Variants in HBS1L observed in about 807,000 individuals in gnomAD.
HBS1L encodes the protein HBS1 like translational GTPase, also known as HBS1-like protein.
Under a neutral mutation model 88.9 loss-of-function variants are expected in HBS1L, and 55 were observed. The observed-to-expected ratio is 0.62, with a 90% CI of 0.50 to 0.77. HBS1L has a LOEUF of 0.77. HBS1L is among the 30% of genes least tolerant of loss of function. The probability of loss-of-function intolerance (pLI) is 0.00; values close to 1 mark genes in which losing one functional copy is unlikely to be tolerated. For missense variants in HBS1L, 741 were observed against 829.3 expected (o/e 0.89, Z 1.31); for synonymous variants, 267 against 288.5 (o/e 0.93, Z 0.76).
chr6:135,005,408 T>C lies in HBS1L; in HGVS notation c.431-2566A>G, dbSNP rs115928125. Among the ~76,000 whole-genome samples, 704 of 152,358 alleles carry C rather than the reference T, an allele frequency of 4.6e-3. 4 individuals are homozygous for C. The highest frequency in any genetic ancestry group is 0.017 in the Middle Eastern group (5 of 294). The stretch of plus-strand genomic sequence containing the variant: ...ACACTTCAGGGCAGAAACGGCAATG[T>C]GTCGATTACAGGGAACTGCTCCACA... On this transcript the variant is annotated intron_variant, in intron 4 of 17. Transcript: ENST00000367837.
intron 13 of HBS1L, among the ~76,000 whole-genome samples, chr6:134,981,969 T>C (rs1774843566): frequency 6.6e-6 from 1 of 152,078 alleles, no homozygotes; most frequent in Admixed American, 6.6e-5. Flanking sequence ...TCCATTTGAA[T>C]GTTACTTATA....
In HBS1L at chr6:134,965,218, T is replaced by C; in HGVS notation, c.*61A>G. 1.5e-6 allele frequency: 2 copies of C among 1,352,120 alleles called. No individual in the cohort carries two copies. Among genetic ancestry groups the C allele is most frequent in the South Asian group, 2.4e-5 (2 of 84,326 alleles). The allele number at this position is 1,352,120 out of a possible 1,614,324, so 83.8% of individuals were successfully genotyped here. ...TTGTTCCTTTGACTTAATAACTGCA[T>C]TCTTGAAACAGAGGTTAGCTATTTC... On this transcript the variant is annotated 3_prime_UTR_variant, in exon 18 of 18. Transcript: ENST00000367837.
At chr6:134,973,231 G>A (rs1007489146) in intron 15 of HBS1L, among the ~76,000 whole-genome samples, 2 of 152,176 alleles carry the variant, frequency 1.3e-5, no homozygotes, top group Non-Finnish European at 2.9e-5. Context: ...TTAAAAGGTG[G>A]TATATACATG....
rs1583089821 is a variant in HBS1L at position 134,996,863 on chromosome 6, A to C, written c.879T>G (p.His293Gln). 2 of 1,612,010 alleles carry C rather than the reference A, an allele frequency of 1.2e-6. No individual in the cohort carries two copies. Among genetic ancestry groups the C allele is most frequent in the African/African-American group, 1.3e-5 (1 of 74,842 alleles). ...CCTTTTTAGACTCCTGTTCATACTT[A>C]TGCATAGTTCTTTTGTTTATATTAC... ...LLGNINKRTM[H>Q]KYEQESKKAG... Residue 293 changes from histidine to glutamine, a missense_variant, in exon 7 of 18, where the codon CAT becomes CAG. Physicochemically the swap from His to Gln is conservative, Grantham distance 24. Transcript: ENST00000367837.
intron 12 of HBS1L, chr6:134,983,331 T>TGA (rs1377295841): frequency 6.6e-6 from 1 of 151,938 alleles, no homozygotes; most frequent in Non-Finnish European, 1.5e-5. Context: ...AGAAGTAAGG[T>TGA]GATGGTATTT....
intron 15 of HBS1L, among the ~76,000 whole-genome samples, chr6:134,970,383 T>A (rs1042898574): frequency 1.1e-4 from 16 of 152,172 alleles, no homozygotes; most frequent in African/African-American, 3.6e-4. Context: ...TCCGACTGCC[T>A]CGGCATCCCA....
At chr6:135,036,178 A>G (rs1287641437) in intron 4 of HBS1L, 18 of 862,576 alleles carry the variant, frequency 2.1e-5, no homozygotes, top group African/African-American at 3.7e-5. Context: ...AAACTATAAT[A>G]ATCCCAAGTG....
chr6:135,028,405 T>C (rs1346783476), intron 4 of HBS1L, among the ~76,000 whole-genome samples: 1 of 152,044 alleles, frequency 6.6e-6, no homozygotes, highest in African/African-American at 2.4e-5. Flanking sequence ...GCACAACAAA[T>C]ACATTTGTCA....
At chr6:135,011,729 A>G (rs1330962738) in intron 4 of HBS1L, among the ~76,000 whole-genome samples, 2 of 151,746 alleles carry the variant, frequency 1.3e-5, no homozygotes, top group East Asian at 1.9e-4. Context: ...ACATTATGAA[A>G]CCCCATCTCT....
chr6:135,036,669 T>G (rs1219122913), intron 4 of HBS1L: 1 of 1,551,266 alleles, frequency 6.4e-7, no homozygotes, highest in African/African-American at 1.4e-5. Context: ...CTTTGTCCTT[T>G]ACATCTTGAA....
At chr6:134,990,303 ATC>A (rs1775095529) in intron 8 of HBS1L, among the ~76,000 whole-genome samples, 1 of 152,128 alleles carries the variant, frequency 6.6e-6, no homozygotes, top group South Asian at 2.1e-4. Flanking sequence ...GAATAAAGTG[ATC>A]TCTCTCCACA....
At chr6:134,972,264 A>G (rs1247598443) in intron 15 of HBS1L, among the ~76,000 whole-genome samples, 1 of 152,112 alleles carries the variant, frequency 6.6e-6, no homozygotes, top group Non-Finnish European at 1.5e-5. Flanking sequence ...ATTTTCCTTA[A>G]TTTTCTAGAT....
chr6:135,024,078 T>C (rs953468007), intron 4 of HBS1L, among the ~76,000 whole-genome samples: 1 of 152,292 alleles, frequency 6.6e-6, no homozygotes, highest in East Asian at 1.9e-4. Flanking sequence ...TTGAAAACTA[T>C]CTTCCAGTTG....
intron 4 of HBS1L, among the ~76,000 whole-genome samples, chr6:135,029,503 TA>T (rs1370798293): frequency 1.3e-5 from 2 of 151,916 alleles, no homozygotes; most frequent in Non-Finnish European, 2.9e-5. Context: ...GAAATATAAA[TA>T]AATGAAAAAA....
At chr6:134,988,720 C>T (rs1775050593) in intron 8 of HBS1L, among the ~76,000 whole-genome samples, 1 of 152,142 alleles carries the variant, frequency 6.6e-6, no homozygotes, top group African/African-American at 2.4e-5. Context: ...GCTCATGGGA[C>T]TGTAGGTGCA....
chr6:134,966,449 T>C lies in HBS1L; in HGVS notation c.1923A>G (p.Ala641=). The change falls in exon 17 of 18, where the codon GCA becomes GCG. Residue 641 remains alanine (A), a synonymous_variant. Transcript: ENST00000367837. ...KPKFLTKGQN[A]LVELQTQRPI... ...GTCTTTGTGTCTGTAGCTCTACCAA[T>C]GCATTCTGGCCTTTAGTCAAAAACC... is the stretch of plus-strand genomic sequence containing the variant. 6.2e-7 allele frequency: 1 copy of C among 1,606,540 alleles called. No homozygotes were observed. The highest frequency in any genetic ancestry group is 8.5e-7 in the Non-Finnish European group (1 of 1,176,492).
At chr6:135,015,697 T>C (rs1354879692) in intron 4 of HBS1L, among the ~76,000 whole-genome samples, 1 of 151,276 alleles carries the variant, frequency 6.6e-6, no homozygotes, top group East Asian at 1.9e-4. Context: ...TTCTCCTGCC[T>C]CAGCCTCCCC....
At chr6:134,986,670 T>A in intron 10 of HBS1L, 66 bp downstream of exon 10, 1 of 738,390 alleles carries the variant, frequency 1.4e-6, no homozygotes, top group Non-Finnish European at 2.2e-6. Context: ...AAGTATTAGT[T>A]TTTCCTCTCA....
chr6:134,970,384 C>A (rs902507813), intron 15 of HBS1L, among the ~76,000 whole-genome samples: 17 of 152,148 alleles, frequency 1.1e-4, no homozygotes, highest in African/African-American at 3.6e-4. Context: ...CCGACTGCCT[C>A]GGCATCCCAA....
Sources: allele counts gnomAD v4.1 joint callset (sites outside exome capture counted in the v4.1 genomes callset), GRCh38; gene constraint gnomAD v4.1.1; transcripts MANE v1.5; gene names NCBI Gene and HGNC (gene_info 2026-07-23, HGNC 2026-07-21).